The following CDH12 variants were observed in gnomAD, a reference collection of about 807,000 sequenced individuals.
CDH12 encodes cadherin-12.
A neutral mutation model predicts 74.1 loss-of-function variants in CDH12; 41 were observed. The observed-to-expected ratio is 0.55, with a 90% CI of 0.43 to 0.72. The LOEUF is 0.72. Ranked by LOEUF, CDH12 falls within the 30% of genes least tolerant of loss-of-function variation. The pLI is 0.00. For missense variants in CDH12, 945 were observed against 977.2 expected (o/e 0.97, Z 0.44); for synonymous variants, 399 against 355.0 (o/e 1.12, Z -1.39).
At chr5:21,904,272 G>A (rs774397923) in intron 6 of CDH12, among the ~76,000 whole-genome samples, 89 of 152,216 alleles carry the variant, frequency 5.8e-4, no homozygotes, top group Non-Finnish European at 1.0e-3. Flanking sequence ...AATAATTAGT[G>A]AGATATGCTC....
At chr5:22,672,227 A>T (rs1286853908) in intron 1 of CDH12, among the ~76,000 whole-genome samples, 1 of 149,770 alleles carries the variant, frequency 6.7e-6, no homozygotes, top group Non-Finnish European at 1.5e-5. Flanking sequence ...AAGCTAGCAA[A>T]TCAACTACTG....
At chr5:22,545,108 G>T (rs1325143073) in intron 1 of CDH12, among the ~76,000 whole-genome samples, 1 of 152,152 alleles carries the variant, frequency 6.6e-6, no homozygotes, top group African/African-American at 2.4e-5. Context: ...TACTTTTGAG[G>T]TGGATATTTG....
At chr5:21,885,999 G>C (rs1439908524) in intron 6 of CDH12, among the ~76,000 whole-genome samples, 1 of 152,070 alleles carries the variant, frequency 6.6e-6, no homozygotes, top group Non-Finnish European at 1.5e-5. Flanking sequence ...GAACTTCCTT[G>C]AATTTGTTCT....
chr5:21,779,690 C>A (rs1745801525), intron 11 of CDH12, among the ~76,000 whole-genome samples: 1 of 152,154 alleles, frequency 6.6e-6, no homozygotes, highest in African/African-American at 2.4e-5. Flanking sequence ...TATGCTAGTT[C>A]AATTTGCAAT....
At chr5:22,081,765 C>T (rs1742744135) in intron 4 of CDH12, among the ~76,000 whole-genome samples, 1 of 152,164 alleles carries the variant, frequency 6.6e-6, no homozygotes, top group East Asian at 1.9e-4. Context: ...CTCCTTTTCG[C>T]TTAGAAGTCA....
intron 6 of CDH12, among the ~76,000 whole-genome samples, chr5:21,911,870 A>G (rs937271221): frequency 1.3e-5 from 2 of 152,100 alleles, no homozygotes; most frequent in African/African-American, 4.8e-5. Context: ...TTTCCCATTA[A>G]AAAGTTTATA....
In CDH12 at chr5:22,345,902, G is replaced by A. The variant is rs1740088170; in HGVS notation, c.-333+59355C>T. ...GCGGATCGCCTGAGGTCAGGAGTTCGAGACCAGCCTGGCAAACGTAGTGAA... is the reference window on the plus strand; with the variant it reads ...GCGGATCGCCTGAGGTCAGGAGTTCAAGACCAGCCTGGCAAACGTAGTGAA... On this transcript the variant is annotated intron_variant, in intron 3 of 14. Transcript: ENST00000382254. Among the ~76,000 whole-genome samples, 3 of 151,986 alleles carry A rather than the reference G, an allele frequency of 2.0e-5. 1 individual carries two copies. The East Asian group carries it at 5.8e-4, about 29-fold the overall frequency.
At chr5:21,934,583 T>C (rs1026011786) in intron 6 of CDH12, among the ~76,000 whole-genome samples, 7 of 152,198 alleles carry the variant, frequency 4.6e-5, no homozygotes, top group East Asian at 3.9e-4. Context: ...TGCACTTCCA[T>C]ACATATATAT....
intron 1 of CDH12, among the ~76,000 whole-genome samples, chr5:22,651,410 T>C (rs1325345621): frequency 2.0e-5 from 3 of 152,198 alleles, no homozygotes; most frequent in Admixed American, 1.3e-4. Flanking sequence ...TCAGGAAACT[T>C]ACAGTGATGT....
intron 3 of CDH12, among the ~76,000 whole-genome samples, chr5:22,318,427 G>A (rs1561308815): frequency 1.3e-5 from 2 of 152,124 alleles, no homozygotes; most frequent in South Asian, 2.1e-4. Context: ...CTGTCAGCTC[G>A]GAATCAAAGT....
chr5:22,200,428 T>A (rs1459117980), intron 4 of CDH12, among the ~76,000 whole-genome samples: 1 of 152,174 alleles, frequency 6.6e-6, no homozygotes, highest in African/African-American at 2.4e-5. Flanking sequence ...TGTTCATTGA[T>A]CACAAATGGA....
intron 2 of CDH12, among the ~76,000 whole-genome samples, chr5:22,422,396 A>G: frequency 6.6e-6 from 1 of 151,942 alleles, no homozygotes; most frequent in Non-Finnish European, 1.5e-5. Context: ...GCATTTATTA[A>G]TTTGCATATG....
intron 3 of CDH12, among the ~76,000 whole-genome samples, chr5:22,319,504 A>G (rs1738772735): frequency 6.6e-6 from 1 of 152,152 alleles, no homozygotes; most frequent in South Asian, 2.1e-4. Context: ...CTAAGAATAT[A>G]GTTTCTCTCT....
intron 1 of CDH12, among the ~76,000 whole-genome samples, chr5:22,613,380 G>A (rs369315761): frequency 5.9e-5 from 9 of 151,954 alleles, no homozygotes; most frequent in East Asian, 1.9e-4. Context: ...AGAAATATAC[G>A]TAAATATTAT....
chr5:22,720,517 CTATAAAG>C (rs1286772842), intron 1 of CDH12, among the ~76,000 whole-genome samples: 1 of 152,068 alleles, frequency 6.6e-6, no homozygotes, highest in Non-Finnish European at 1.5e-5. Context: ...GGGGGCACTG[CTATAAAG>C]ATAACCTGAA....
intron 1 of CDH12, among the ~76,000 whole-genome samples, chr5:22,663,886 CT>C (rs1298564370): frequency 5.3e-5 from 8 of 151,774 alleles, no homozygotes; most frequent in African/African-American, 1.7e-4. Flanking sequence ...CAAATTTTGA[CT>C]TTTTTAACCA....
In CDH12 at chr5:21,751,534, A is replaced by T; in HGVS notation, c.*203T>A. The stretch of plus-strand genomic sequence containing the variant: ...TATAGGATGTATCTCTTGTTGGCAG[A>T]ATAAACCAAAACTGACAATATGATT... On this transcript the variant is annotated 3_prime_UTR_variant, in exon 15 of 15. Coordinates refer to ENST00000382254, the MANE Select transcript of CDH12 (RefSeq NM_004061.5). The T allele has an allele frequency of 1.8e-6, 1 of 568,044 alleles. No individual in the cohort carries two copies. The highest frequency in any genetic ancestry group is 3.1e-6 in the Non-Finnish European group (1 of 322,848). The allele number at this position is 568,044 out of a possible 1,614,324, so 35.2% of individuals were successfully genotyped here.
intron 1 of CDH12, among the ~76,000 whole-genome samples, chr5:22,690,007 T>C (rs1196810280): frequency 1.3e-5 from 2 of 152,118 alleles, no homozygotes; most frequent in Non-Finnish European, 2.9e-5. Context: ...TTTTCAAAGA[T>C]AGTTAGATTT....
At chr5:22,617,225 C>A (rs1737736820) in intron 1 of CDH12, among the ~76,000 whole-genome samples, 1 of 151,864 alleles carries the variant, frequency 6.6e-6, no homozygotes, top group Non-Finnish European at 1.5e-5. Context: ...GTGCCTTCCA[C>A]AATGCAGTAA....
Sources: allele counts gnomAD v4.1 joint callset (sites outside exome capture counted in the v4.1 genomes callset), GRCh38; gene constraint gnomAD v4.1.1; transcripts MANE v1.5; gene names NCBI Gene and HGNC (gene_info 2026-07-23, HGNC 2026-07-21).